IQSEC1: variants seen among roughly 807,000 people sequenced by gnomAD.
The protein encoded by IQSEC1 is IQ motif and Sec7 domain ArfGEF 1.
IQSEC1 carries 31 observed loss-of-function variants against 91.0 expected under a neutral mutation model. The ratio of observed to expected loss-of-function variants is 0.34; its 90% CI spans 0.26 to 0.46. IQSEC1 has a LOEUF of 0.46. Among genes scored for constraint, IQSEC1 ranks in the 20% least tolerant of loss-of-function variants. The pLI is 1.00. For missense variants in IQSEC1, 1,388 were observed against 1,575.6 expected, an observed-to-expected ratio of 0.88 and a Z score of 2.02; for synonymous variants, 699 against 662.6, an observed-to-expected ratio of 1.05 and a Z score of -0.84.
At chr3:13,144,909 G>A (rs1706863008) in intron 2 of IQSEC1, among the ~76,000 whole-genome samples, 1 of 152,240 alleles carries the variant, frequency 6.6e-6, no homozygotes, top group Non-Finnish European at 1.5e-5. Flanking sequence ...AGAGACTCTG[G>A]CCATGGCAGG....
At chr3:13,221,744 T>G (rs1265257803) in intron 1 of IQSEC1, among the ~76,000 whole-genome samples, 1 of 152,244 alleles carries the variant, frequency 6.6e-6, no homozygotes, top group African/African-American at 2.4e-5. Context: ...CCGGGCCTCC[T>G]CGGCAGGGAG....
At chr3:13,171,085 CA>C (rs1453148492) in intron 1 of IQSEC1, among the ~76,000 whole-genome samples, 11 of 150,434 alleles carry the variant, frequency 7.3e-5, no homozygotes, top group Non-Finnish European at 1.5e-4. Flanking sequence ...GGCAACACAG[CA>C]AGACTCCATC....
At chr3:13,110,551 T>C (rs111989662) in intron 2 of IQSEC1, among the ~76,000 whole-genome samples, 10,745 of 152,210 alleles carry the variant, frequency 0.071, 497 homozygotes, top group East Asian at 0.18. Flanking sequence ...ATCGCGCCAT[T>C]GCACTCCAGC....
chr3:13,170,698 T>C (rs1357506642), intron 1 of IQSEC1, among the ~76,000 whole-genome samples: 1 of 152,174 alleles, frequency 6.6e-6, no homozygotes, highest in African/African-American at 2.4e-5. Context: ...GCTATTAGCT[T>C]TGAAGCAAGA....
chr3:13,235,734 T>C (rs1411182103), intron 1 of IQSEC1, among the ~76,000 whole-genome samples: 2 of 152,186 alleles, frequency 1.3e-5, no homozygotes, highest in Non-Finnish European at 1.5e-5. Context: ...CTTCTTCCCT[T>C]TGGGAAATGT....
At chr3:13,067,270 CG>C (rs1327401198) in intron 1 of IQSEC1, among the ~76,000 whole-genome samples, 1 of 152,182 alleles carries the variant, frequency 6.6e-6, no homozygotes. Context: ...GAAGGGCAGA[CG>C]GGGGCTGTGT....
Position 13,029,906 on chromosome 3 carries a change from T to A in IQSEC1, c.23+43086A>T, listed in dbSNP as rs536957118. 2.1e-4 allele frequency among the ~76,000 whole-genome samples: 32 copies of A among 152,328 alleles called. No homozygotes were observed. In the South Asian group the frequency reaches 6.4e-3, roughly 31 times the overall value. On this transcript the variant is annotated intron_variant, in intron 1 of 13. Coordinates refer to ENST00000613206, the MANE Select transcript of IQSEC1 (RefSeq NM_001134382.3). The stretch of plus-strand genomic sequence containing the variant: ...GACCTGTAGAGGTAAGTCTGCTGCC[T>A]GAACCTGCTCCATGGCTTTCCTCCA...
chr3:13,005,638 G>A lies in IQSEC1; in HGVS notation c.24-63773C>T, dbSNP rs534837505. Among the ~76,000 whole-genome samples, 18 of 152,336 alleles carry A rather than the reference G, an allele frequency of 1.2e-4. No homozygotes were observed. In the South Asian group the frequency reaches 3.5e-3, roughly 30 times the overall value. ...CCACTGAGCACTCAGGATGTGGCTG[G>A]GGTGATGGAGACTGAGTTTTTCATT... On this transcript the variant is annotated intron_variant, in intron 1 of 13. Coordinates refer to ENST00000613206, the MANE Select transcript of IQSEC1 (RefSeq NM_001134382.3).
chr3:13,016,409 C>A (rs1372359734), intron 1 of IQSEC1, among the ~76,000 whole-genome samples: 1 of 152,246 alleles, frequency 6.6e-6, no homozygotes, highest in Non-Finnish European at 1.5e-5. Context: ...CCACCACTCC[C>A]TCTCCACAGT....
chr3:12,947,130 G>C (rs1699230959), intron 1 of IQSEC1, among the ~76,000 whole-genome samples: 1 of 152,250 alleles, frequency 6.6e-6, no homozygotes, highest in Non-Finnish European at 1.5e-5. Flanking sequence ...CAGCCTCGGG[G>C]AGATGATGTG....
intron 1 of IQSEC1, among the ~76,000 whole-genome samples, chr3:13,273,256 G>A (rs1258088500): frequency 1.3e-5 from 2 of 152,296 alleles, no homozygotes; most frequent in African/African-American, 2.4e-5. Context: ...ATACTCCACC[G>A]GGAGCCTCAC....
chr3:13,159,769 C>T (rs1003024267), intron 2 of IQSEC1, among the ~76,000 whole-genome samples: 1 of 152,260 alleles, frequency 6.6e-6, no homozygotes, highest in Non-Finnish European at 1.5e-5. Flanking sequence ...GAGTTAATTT[C>T]AAGGATTTGA....
At chr3:13,235,275 T>C (rs940241844) in intron 1 of IQSEC1, among the ~76,000 whole-genome samples, 1 of 152,082 alleles carries the variant, frequency 6.6e-6, no homozygotes, top group Non-Finnish European at 1.5e-5. Context: ...GGCTCCCACA[T>C]CCTGCCACAC....
chr3:13,275,879 C>T (rs1000195638), intron 1 of IQSEC1, among the ~76,000 whole-genome samples: 3 of 152,194 alleles, frequency 2.0e-5, no homozygotes, highest in East Asian at 1.9e-4. Context: ...CCACAGCAGG[C>T]GCTCTACCGA....
intron 2 of IQSEC1, among the ~76,000 whole-genome samples, chr3:13,118,047 G>GGTAGTGTTT (rs1287635378): frequency 6.6e-6 from 1 of 152,134 alleles, no homozygotes; most frequent in African/African-American, 2.4e-5. Flanking sequence ...GGTGGCTGTA[G>GGTAGTGTTT]GTAGTGTTTG....
chr3:13,136,595 A>G (rs947041199), intron 2 of IQSEC1, among the ~76,000 whole-genome samples: 4 of 152,234 alleles, frequency 2.6e-5, no homozygotes, highest in African/African-American at 9.6e-5. Context: ...GAAAAGGAGA[A>G]GCAGATTACA....
rs1387447362 is a variant in IQSEC1 at position 12,899,071 on chromosome 3, C to T, written c.*1912G>A. ...GTCACATTTTTAAAAAGGCTAAACT[C>T]TAGATTGCTGTATTTGCTCTCTCTG... is the stretch of plus-strand genomic sequence containing the variant. On this transcript the variant is annotated 3_prime_UTR_variant, in exon 14 of 14. Transcript: ENST00000613206. 1 of 403,218 alleles carries T rather than the reference C, an allele frequency of 2.5e-6. No homozygotes were observed. Among genetic ancestry groups the T allele is most frequent in the East Asian group, 4.3e-5 (1 of 23,026 alleles). The allele number at this position is 403,218 out of a possible 1,614,324, so 25.0% of individuals were successfully genotyped here.
chr3:13,102,183 T>C (rs1264332201), intron 2 of IQSEC1, among the ~76,000 whole-genome samples: 1 of 151,770 alleles, frequency 6.6e-6, no homozygotes, highest in Non-Finnish European at 1.5e-5. Flanking sequence ...GAGGCTGAGG[T>C]GGAAGGATTG....
At chr3:13,084,804 C>T (rs1007997825) in intron 2 of IQSEC1, among the ~76,000 whole-genome samples, 1 of 152,148 alleles carries the variant, frequency 6.6e-6, no homozygotes, top group Non-Finnish European at 1.5e-5. Flanking sequence ...ACTGGGGAGG[C>T]GATAGTCTTC....
Sources: gnomAD v4.1 joint callset for allele counts (sites outside exome capture counted in the v4.1 genomes callset) on GRCh38, gnomAD v4.1.1 for gene constraint, MANE v1.5 for transcripts, NCBI Gene and HGNC (gene_info 2026-07-23, HGNC 2026-07-21) for gene names.